TEX14: variants seen among roughly 807,000 people sequenced by gnomAD.
TEX14 encodes the protein testis expressed 14, intercellular bridge forming factor, also known as inactive serine/threonine-protein kinase TEX14.
Under a neutral mutation model 178.6 loss-of-function variants are expected in TEX14, and 168 were observed. That is an observed-to-expected ratio of 0.94 (90% CI 0.83 to 1.07). The LOEUF (loss-of-function observed/expected upper bound fraction) is 1.07, where lower values mean the gene tolerates loss of function less well. Among genes scored for constraint, TEX14 ranks in the 50% least tolerant of loss-of-function variants. The pLI is 0.00. For synonymous variants in TEX14, 626 were observed against 634.1 expected (o/e 0.99, Z 0.19); for missense variants, 1,730 against 1,753.6 (o/e 0.99, Z 0.24).
At chr17:58,644,321 C>T (rs1423182954) in intron 2 of TEX14, among the ~76,000 whole-genome samples, 1 of 152,128 alleles carries the variant, frequency 6.6e-6, no homozygotes, top group Non-Finnish European at 1.5e-5. Context: ...GTATCTCTTA[C>T]TTTTGGCTGT....
chr17:58,627,339 A>AT (rs770766424), intron 3 of TEX14, among the ~76,000 whole-genome samples: 4 of 152,118 alleles, frequency 2.6e-5, no homozygotes, highest in Non-Finnish European at 5.9e-5. Context: ...TTTTATCTGT[A>AT]TTTTTTTATA....
intron 1 of TEX14, among the ~76,000 whole-genome samples, chr17:58,669,438 G>GT (rs917846998): frequency 1.3e-5 from 2 of 151,956 alleles, no homozygotes; most frequent in Admixed American, 6.6e-5. Flanking sequence ...GCTAAAGAAT[G>GT]TAACAAGCCA....
intron 2 of TEX14, among the ~76,000 whole-genome samples, chr17:58,644,380 T>C (rs1205975368): frequency 6.6e-6 from 1 of 152,212 alleles, no homozygotes; most frequent in Non-Finnish European, 1.5e-5. Flanking sequence ...TCACCCAGGC[T>C]GGAGTGCAAT....
chr17:58,666,406 G>A (rs912689069), intron 1 of TEX14: 6 of 136,122 alleles, frequency 4.4e-5, no homozygotes, highest in Admixed American at 2.4e-4. Flanking sequence ...CATGAATTCG[G>A]ATGCCACTGC....
intron 1 of TEX14, among the ~76,000 whole-genome samples, chr17:58,682,195 C>A (rs1490966506): frequency 6.6e-6 from 1 of 151,780 alleles, no homozygotes; most frequent in African/African-American, 2.4e-5. Context: ...GCAATTGACC[C>A]GTCTCCGCCT....
chr17:58,619,816 A>T (rs926638312), intron 5 of TEX14, among the ~76,000 whole-genome samples: 2 of 148,348 alleles, frequency 1.3e-5, no homozygotes, highest in Non-Finnish European at 3.0e-5. Context: ...AAAAAAAAAA[A>T]GGTGGGGGAA....
chr17:58,572,195 T>A, intron 23 of TEX14, 69 bp from the exon 24 acceptor site: 1 of 1,195,588 alleles, frequency 8.4e-7, no homozygotes, highest in Non-Finnish European at 1.2e-6. Flanking sequence ...CCTTTTTCCC[T>A]TTGTTTTTGT....
At chr17:58,658,386 GCTT>G in intron 1 of TEX14, among the ~76,000 whole-genome samples, 1 of 125,782 alleles carries the variant, frequency 8.0e-6, no homozygotes, top group Non-Finnish European at 1.6e-5. Flanking sequence ...CTGTGCACCG[GCTT>G]TTTTTTTTTT....
In TEX14 at chr17:58,559,184, G is replaced by C. The variant is rs773697442; in HGVS notation, c.4267+269C>G. Among the ~76,000 whole-genome samples the C allele has an allele frequency of 4.3e-4, 66 of 151,942 alleles. 1 individual carries two copies. Among genetic ancestry groups the C allele is most frequent in the Admixed American group, 1.3e-4 (2 of 15,214 alleles). ...AAACTGTCTAAAAAAAAAAGAAGCA[G>C]CAAAACGTCTCCCCAGACAACGTGC... On this transcript the variant is annotated intron_variant, in intron 30 of 31. Coordinates refer to ENST00000349033, the MANE Select transcript of TEX14 (RefSeq NM_031272.5).
At chr17:58,607,593 A>G (rs2045640591) in intron 10 of TEX14, among the ~76,000 whole-genome samples, 1 of 152,160 alleles carries the variant, frequency 6.6e-6, no homozygotes, top group South Asian at 2.1e-4. Context: ...TCAACTATAT[A>G]AGGACAGCAT....
In TEX14 at chr17:58,565,030, TAAA is replaced by T. The variant is rs1030769024; in HGVS notation, c.3965-65_3965-63del. 2.8e-6 allele frequency: 3 copies of T among 1,079,240 alleles called. No homozygotes were observed. In the African/African-American group the frequency reaches 4.8e-5, roughly 17 times the overall value. 66.9% of individuals were successfully genotyped at this position (1,079,240 alleles called of 1,614,324 possible). Reference sequence around the variant, plus strand: ...AAAAAAAAATTGAGAAAGCTTGCCTTAAAATAGAGTGCAAAAATTAAGGCCAAT... The same window carrying T: ...AAAAAAAAATTGAGAAAGCTTGCCTTATAGAGTGCAAAAATTAAGGCCAAT... On this transcript the variant is annotated intron_variant, in intron 27 of 31. Coordinates refer to ENST00000349033, the MANE Select transcript of TEX14 (RefSeq NM_031272.5).
chr17:58,630,679 A>G, intron 2 of TEX14, 125 bp from the exon 3 acceptor site: 1 of 633,366 alleles, frequency 1.6e-6, no homozygotes, highest in Non-Finnish European at 2.8e-6. Flanking sequence ...GCTTTTTTTT[A>G]AAAAAAGTAC....
intron 1 of TEX14, chr17:58,660,510 G>A: frequency 2.8e-6 from 2 of 714,026 alleles, no homozygotes; most frequent in South Asian, 3.3e-5. Context: ...TCAGGGAGGG[G>A]AAGGCTGCAT....
intron 1 of TEX14, 86 bp from the exon 2 acceptor site, chr17:58,652,088 T>A (rs927584801): frequency 1.2e-5 from 12 of 1,022,138 alleles, no homozygotes; most frequent in Non-Finnish European, 1.6e-5. Flanking sequence ...TAGAAACCTG[T>A]CCAGCCACCT....
chr17:58,596,948 A>G (rs2045299975), intron 14 of TEX14, among the ~76,000 whole-genome samples: 1 of 152,152 alleles, frequency 6.6e-6, no homozygotes, highest in Non-Finnish European at 1.5e-5. Flanking sequence ...CAAATGTTCT[A>G]AGTGAGGACT....
At position 58,594,605 on chromosome 17, in the gene TEX14, G is replaced by C. The variant is rs1246539693; in HGVS notation, c.2470-944C>G. ...TGACCTCAAATGATCCACCCTCCTT[G>C]ACCTCCCAAAGTACAGGGATTACAG... On this transcript the variant is annotated intron_variant, in intron 14 of 31. Coordinates refer to ENST00000349033, the MANE Select transcript of TEX14 (RefSeq NM_031272.5). 5.9e-5 allele frequency among the ~76,000 whole-genome samples: 9 copies of C among 152,086 alleles called. No homozygotes were observed. The South Asian group carries it at 1.9e-3, about 32-fold the overall frequency.
intron 2 of TEX14, chr17:58,631,611 A>G (rs533960825): frequency 1.4e-5 from 2 of 147,972 alleles, no homozygotes; most frequent in African/African-American, 2.4e-5. Flanking sequence ...ACCAACTACT[A>G]TTAACATCTG....
At chr17:58,672,664 C>G (rs1015752368) in intron 1 of TEX14, among the ~76,000 whole-genome samples, 2 of 150,014 alleles carry the variant, frequency 1.3e-5, no homozygotes, top group Admixed American at 1.3e-4. Flanking sequence ...AGGCTGGCCT[C>G]GAACTCCTTG....
chr17:58,574,673 T>C (rs1023264017), intron 21 of TEX14, among the ~76,000 whole-genome samples: 3 of 25,422 alleles, frequency 1.2e-4, no homozygotes, highest in African/African-American at 2.3e-4. Flanking sequence ...AGACTCCATC[T>C]CCAAAAAAAA....
Sources: allele counts gnomAD v4.1 joint callset (sites outside exome capture counted in the v4.1 genomes callset), GRCh38; gene constraint gnomAD v4.1.1; transcripts MANE v1.5; gene names NCBI Gene and HGNC (gene_info 2026-07-23, HGNC 2026-07-21).